The following TDRP variants were observed in gnomAD, a reference collection of about 807,000 sequenced individuals.
TDRP encodes testis development related protein.
In TDRP, 12 loss-of-function variants were observed where a neutral mutation model predicts 10.5. That is an observed-to-expected ratio of 1.15 (90% CI 0.73 to 1.86). The LOEUF (loss-of-function observed/expected upper bound fraction) is 1.86, where lower values mean the gene tolerates loss of function less well. Among genes scored for constraint, TDRP ranks in the 40% most tolerant of loss-of-function variants. TDRP has a pLI of 0.00. For missense variants in TDRP, 353 were observed against 229.2 expected (o/e 1.54, Z -3.49); for synonymous variants, 139 against 95.4 (o/e 1.46, Z -2.67).
intron 1 of TDRP, among the ~76,000 whole-genome samples, chr8:527,273 C>T (rs563959139): frequency 6.6e-6 from 1 of 151,872 alleles, no homozygotes. Context: ...GAAAAGGACA[C>T]AAAAATGAAA....
intron 1 of TDRP, among the ~76,000 whole-genome samples, chr8:526,213 G>C (rs1489910640): frequency 2.0e-5 from 3 of 152,080 alleles, no homozygotes; most frequent in Non-Finnish European, 4.4e-5. Context: ...GGCCAGGCTG[G>C]TCTTGAACTA....
intron 1 of TDRP, among the ~76,000 whole-genome samples, chr8:520,280 G>C (rs756179874): frequency 1.3e-5 from 2 of 152,120 alleles, no homozygotes; most frequent in Non-Finnish European, 2.9e-5. Flanking sequence ...CATATTATCA[G>C]ATTTCCTTCT....
intron 1 of TDRP, among the ~76,000 whole-genome samples, chr8:544,397 G>A (rs1212305810): frequency 6.6e-6 from 1 of 152,090 alleles, no homozygotes; most frequent in East Asian, 2.0e-4. Context: ...GGCAGCCCTG[G>A]CCAGTTAAGC....
At chr8:515,438 G>T (rs908306327) in intron 1 of TDRP, among the ~76,000 whole-genome samples, 6 of 152,062 alleles carry the variant, frequency 3.9e-5, no homozygotes, top group African/African-American at 1.2e-4. Flanking sequence ...AGATATTTTG[G>T]GATTTTGAAA....
intron 1 of TDRP, among the ~76,000 whole-genome samples, chr8:507,627 C>T (rs766203404): frequency 4.6e-5 from 7 of 152,162 alleles, no homozygotes; most frequent in Non-Finnish European, 7.4e-5. Context: ...CACCAGAAGC[C>T]ACATCAGGAG....
chr8:491,637 T>C lies in TDRP; in HGVS notation c.*762A>G. On this transcript the variant is annotated 3_prime_UTR_variant, in exon 3 of 3. Coordinates refer to ENST00000324079, the MANE Select transcript of TDRP (RefSeq NM_001384899.1). ...AGACAATGTTTCCTAAATGAAATTA[T>C]CAACTGACTAAAATTGATCCATACT... 1 of 1,532,272 alleles carries C rather than the reference T, an allele frequency of 6.5e-7. No homozygotes were observed. Among genetic ancestry groups the C allele is most frequent in the African/African-American group, 1.4e-5 (1 of 73,022 alleles). 94.9% of individuals were successfully genotyped at this position (1,532,272 alleles called of 1,614,324 possible).
chr8:505,771 A>G (rs1042900071), intron 1 of TDRP, among the ~76,000 whole-genome samples: 1 of 152,224 alleles, frequency 6.6e-6, no homozygotes, highest in Non-Finnish European at 1.5e-5. Context: ...GCTGCTGTGT[A>G]AACACCCTCC....
At chr8:538,178 A>G (rs111747181) in intron 1 of TDRP, among the ~76,000 whole-genome samples, 7 of 152,178 alleles carry the variant, frequency 4.6e-5, no homozygotes, top group African/African-American at 1.7e-4. Context: ...ACCGCAAAGG[A>G]GTCTCGGGAT....
rs191424167 is a variant in TDRP at position 518,967 on chromosome 8, G to C, written c.109-24370C>G. On this transcript the variant is annotated intron_variant, in intron 1 of 2. Transcript: ENST00000324079. ...TACACTAATGAGATGACTGACAGGA[G>C]GCTGGTAGAGCTTCAGGATGGAGTC... 6.3e-3 allele frequency among the ~76,000 whole-genome samples: 959 copies of C among 152,276 alleles called. 12 individuals carry two copies. The highest frequency in any genetic ancestry group is 9.8e-3 in the Non-Finnish European group (664 of 68,018).
intron 1 of TDRP, among the ~76,000 whole-genome samples, chr8:512,273 C>CAAA (rs144049138): frequency 9.7e-6 from 1 of 103,036 alleles, no homozygotes; most frequent in East Asian, 2.6e-4. Context: ...ACAACAACAA[C>CAAA]AAAAAAAAAA....
Position 544,639 on chromosome 8 carries a change from C to A in TDRP, c.108+11G>T. On this transcript the variant is annotated intron_variant, in intron 1 of 2. Transcript: ENST00000324079. ...GGCCTACTAGCACTCCCCACCTGCG[C>A]ACCCCCTCACCTGCGCCTGGGCGGC... The A allele has an allele frequency of 2.4e-6, 3 of 1,232,742 alleles. No individual in the cohort carries two copies. The highest frequency in any genetic ancestry group is 3.2e-5 in the East Asian group (1 of 31,354). The allele number at this position is 1,232,742 out of a possible 1,614,324, so 76.4% of individuals were successfully genotyped here. A position where few individuals can be genotyped will look rare whatever the true frequency, so the allele number is the denominator to read the frequency against.
intron 1 of TDRP, among the ~76,000 whole-genome samples, chr8:514,752 G>C (rs1801711060): frequency 6.6e-6 from 1 of 152,048 alleles, no homozygotes; most frequent in South Asian, 2.1e-4. Context: ...TTGCATTCCA[G>C]CTCTATAGGG....
chr8:517,894 A>G (rs1801798836), intron 1 of TDRP, among the ~76,000 whole-genome samples: 1 of 152,248 alleles, frequency 6.6e-6, no homozygotes, highest in Admixed American at 6.5e-5. Flanking sequence ...ACCAAATGAC[A>G]TTCTGGAAAA....
At chr8:505,019 T>C (rs182647487) in intron 1 of TDRP, among the ~76,000 whole-genome samples, 5 of 152,354 alleles carry the variant, frequency 3.3e-5, no homozygotes, top group Non-Finnish European at 7.3e-5. Flanking sequence ...ATAAAAATAT[T>C]TCATACATGA....
At chr8:538,458 T>A (rs1430841797) in intron 1 of TDRP, among the ~76,000 whole-genome samples, 1 of 152,154 alleles carries the variant, frequency 6.6e-6, no homozygotes, top group African/African-American at 2.4e-5. Context: ...CCAACCCATA[T>A]CAAGAATTTA....
intron 1 of TDRP, among the ~76,000 whole-genome samples, chr8:499,762 C>G (rs1801236007): frequency 1.3e-5 from 2 of 152,236 alleles, no homozygotes; most frequent in African/African-American, 4.8e-5. Flanking sequence ...CCGGGAAGGA[C>G]AGGAGGGAAA....
At chr8:528,665 T>C (rs1802100696) in intron 1 of TDRP, among the ~76,000 whole-genome samples, 1 of 152,182 alleles carries the variant, frequency 6.6e-6, no homozygotes, top group South Asian at 2.1e-4. Context: ...GATAAATGCA[T>C]AAAGTGATGG....
chr8:496,996 A>G (rs2116722134), intron 1 of TDRP, among the ~76,000 whole-genome samples: 1 of 152,320 alleles, frequency 6.6e-6, no homozygotes, highest in South Asian at 2.1e-4. Context: ...CAGAACTGTA[A>G]GTCAACCTCT....
intron 1 of TDRP, among the ~76,000 whole-genome samples, chr8:530,321 T>C (rs1802156653): frequency 6.6e-6 from 1 of 152,234 alleles, no homozygotes; most frequent in African/African-American, 2.4e-5. Flanking sequence ...TTGAATTCTT[T>C]GTCAGATAAT....
Sources: gnomAD v4.1 joint callset for allele counts (sites outside exome capture counted in the v4.1 genomes callset) on GRCh38, gnomAD v4.1.1 for gene constraint, MANE v1.5 for transcripts, NCBI Gene and HGNC (gene_info 2026-07-23, HGNC 2026-07-21) for gene names.